The following NAV3 variants were observed in gnomAD, a reference collection of about 807,000 sequenced individuals.
The protein encoded by NAV3 is pore membrane and/or filament interacting like protein 1.
NAV3 carries 87 observed loss-of-function variants against 244.7 expected under a neutral mutation model. That is an observed-to-expected ratio of 0.36 (90% CI 0.30 to 0.42). The LOEUF (loss-of-function observed/expected upper bound fraction) is 0.42, where lower values mean the gene tolerates loss of function less well. NAV3 is among the 20% of genes least tolerant of loss of function. NAV3 has a pLI of 1.00. For synonymous variants in NAV3, 1,126 were observed against 1,042.2 expected (o/e 1.08, Z -1.55); for missense variants, 2,663 against 2,893.3 (o/e 0.92, Z 1.83).
At chr12:77,834,245 C>T (rs1874232934) in intron 1 of NAV3, among the ~76,000 whole-genome samples, 1 of 152,148 alleles carries the variant, frequency 6.6e-6, no homozygotes, top group Admixed American at 6.5e-5. Context: ...CACTTCCCTG[C>T]CCCCTTCCTG....
At chr12:77,598,036 A>G (rs964110422) in intron 2 of NAV3, among the ~76,000 whole-genome samples, 8 of 152,074 alleles carry the variant, frequency 5.3e-5, no homozygotes, top group African/African-American at 1.9e-4. Context: ...ACTCTATTTC[A>G]ATTGTATAAC....
intron 8 of NAV3, among the ~76,000 whole-genome samples, chr12:78,014,464 G>A (rs948300333): frequency 6.6e-6 from 1 of 152,064 alleles, no homozygotes; most frequent in African/African-American, 2.4e-5. Flanking sequence ...CACTTGACTT[G>A]TAAAATTAGG....
At chr12:77,680,983 G>A (rs1047831172) in intron 2 of NAV3, among the ~76,000 whole-genome samples, 115 of 152,240 alleles carry the variant, frequency 7.6e-4, no homozygotes, top group African/African-American at 2.5e-3. Flanking sequence ...TTTGGGGGGA[G>A]GGGCGGAAGT....
intron 22 of NAV3, among the ~76,000 whole-genome samples, chr12:78,154,200 A>G (rs1380994314): frequency 8.6e-6 from 1 of 116,104 alleles, no homozygotes; most frequent in Non-Finnish European, 1.8e-5. Context: ...TATATTATAT[A>G]TACTCTAGGT....
At chr12:78,078,544 C>T (rs1401103021) in intron 12 of NAV3, among the ~76,000 whole-genome samples, 5 of 151,040 alleles carry the variant, frequency 3.3e-5, no homozygotes, top group African/African-American at 1.2e-4. Flanking sequence ...TACAGGCGCC[C>T]GCCACTACGC....
intron 2 of NAV3, among the ~76,000 whole-genome samples, chr12:77,623,519 G>A (rs1871475797): frequency 6.6e-6 from 1 of 152,116 alleles, no homozygotes; most frequent in Admixed American, 6.6e-5. Context: ...CACAAATTTT[G>A]TAACAAAATC....
intron 2 of NAV3, among the ~76,000 whole-genome samples, chr12:77,735,127 TTGTAAGTATTTA>T (rs976293060): frequency 3.3e-5 from 5 of 152,110 alleles, no homozygotes; most frequent in Admixed American, 2.6e-4. Flanking sequence ...GCTCACATAA[TTGTAAGTATTTA>T]TGTACAGTAG....
At chr12:77,884,305 AAG>A (rs1352363270) in intron 1 of NAV3, among the ~76,000 whole-genome samples, 11 of 152,110 alleles carry the variant, frequency 7.2e-5, no homozygotes, top group African/African-American at 2.7e-4. Context: ...ATAGATAGAA[AAG>A]AGGGGATATA....
intron 1 of NAV3, among the ~76,000 whole-genome samples, chr12:77,899,784 T>A (rs752805553): frequency 2.0e-5 from 3 of 152,228 alleles, no homozygotes; most frequent in Non-Finnish European, 4.4e-5. Context: ...AAATAAAGCG[T>A]TAATTCACTA....
At chr12:77,883,082 C>T (rs1882860553) in intron 1 of NAV3, among the ~76,000 whole-genome samples, 1 of 152,106 alleles carries the variant, frequency 6.6e-6, no homozygotes, top group African/African-American at 2.4e-5. Context: ...AATTCTATTG[C>T]TGGTTATACA....
At chr12:77,587,267 A>G (rs1417667239) in intron 2 of NAV3, among the ~76,000 whole-genome samples, 2 of 152,196 alleles carry the variant, frequency 1.3e-5, no homozygotes, top group African/African-American at 2.4e-5. Context: ...CAACTTTTCA[A>G]ATACAATAAG....
At chr12:77,767,484 C>T (rs1310563701) in intron 2 of NAV3, among the ~76,000 whole-genome samples, 5 of 152,186 alleles carry the variant, frequency 3.3e-5, no homozygotes, top group Non-Finnish European at 2.9e-5. Flanking sequence ...GATCCCATGC[C>T]TCTGAAGACA....
intron 19 of NAV3, among the ~76,000 whole-genome samples, chr12:78,137,883 A>G (rs1044810249): frequency 6.6e-6 from 1 of 152,162 alleles, no homozygotes; most frequent in African/African-American, 2.4e-5. Flanking sequence ...TTGTCACCTA[A>G]CCTAATAAAT....
Position 78,007,395 on chromosome 12 carries a change from G to A in NAV3, c.1857G>A (p.Gln619=), listed in dbSNP as rs1232997458. 1 of 1,614,084 alleles carries A rather than the reference G, an allele frequency of 6.2e-7. No individual in the cohort carries two copies. Among genetic ancestry groups the A allele is most frequent in the Admixed American group, 1.7e-5 (1 of 60,004 alleles). ...ATGGTGCTGTCCAACTCCCTCAACA[G>A]CAGCAACATAGCCACCCGAATACCG... The part of the protein sequence containing the change: ...TGNGAVQLPQ[Q]QQHSHPNTAT... Residue 619 remains glutamine, a synonymous_variant, in exon 8 of 40, where the codon CAG becomes CAA. Coordinates refer to ENST00000397909, the MANE Select transcript of NAV3 (RefSeq NM_001024383.2).
chr12:78,062,594 T>G (rs1479576547), intron 12 of NAV3, among the ~76,000 whole-genome samples: 1 of 152,052 alleles, frequency 6.6e-6, no homozygotes, highest in Non-Finnish European at 1.5e-5. Context: ...CCCTCCCTTT[T>G]TTCTCTTATG....
chr12:77,959,957 T>C (rs1891735423), intron 3 of NAV3, among the ~76,000 whole-genome samples: 1 of 148,416 alleles, frequency 6.7e-6, no homozygotes, highest in Non-Finnish European at 1.5e-5. Flanking sequence ...AAACTAAGTT[T>C]TGGACATATA....
intron 2 of NAV3, among the ~76,000 whole-genome samples, chr12:77,607,497 C>A (rs1367193668): frequency 1.3e-5 from 2 of 152,088 alleles, no homozygotes; most frequent in East Asian, 1.9e-4. Flanking sequence ...TTTTTGACAT[C>A]TTTAAAACTT....
At chr12:77,870,640 C>CA (rs1292033480) in intron 1 of NAV3, among the ~76,000 whole-genome samples, 1 of 151,990 alleles carries the variant, frequency 6.6e-6, no homozygotes, top group Non-Finnish European at 1.5e-5. Flanking sequence ...GAGAATCTAC[C>CA]ACACACTGGG....
intron 1 of NAV3, among the ~76,000 whole-genome samples, chr12:77,889,767 T>C (rs542050122): frequency 6.6e-6 from 1 of 152,320 alleles, no homozygotes; most frequent in South Asian, 2.1e-4. Flanking sequence ...TGAAGTACAA[T>C]TTATATGTAT....
Sources: allele counts gnomAD v4.1 joint callset (sites outside exome capture counted in the v4.1 genomes callset), GRCh38; gene constraint gnomAD v4.1.1; transcripts MANE v1.5; gene names NCBI Gene and HGNC (gene_info 2026-07-23, HGNC 2026-07-21).